Variants in MMP20 observed in about 807,000 individuals in gnomAD.
MMP20 encodes matrix metallopeptidase 20.
In MMP20, 50 loss-of-function variants were observed where a neutral mutation model predicts 51.8. That is an observed-to-expected ratio of 0.97 (90% confidence interval 0.77 to 1.22). The LOEUF is 1.22. Among genes scored for constraint, MMP20 ranks in the 50% most tolerant of loss-of-function variants. MMP20 has a pLI of 0.00. For synonymous variants in MMP20, 244 were observed against 216.2 expected, an observed-to-expected ratio of 1.13 and a Z score of -1.13; for missense variants, 663 against 601.4, an observed-to-expected ratio of 1.10 and a Z score of -1.07.
chr11:102,611,007 C>A (rs1859591912), intron 3 of MMP20, among the ~76,000 whole-genome samples: 1 of 152,152 alleles, frequency 6.6e-6, no homozygotes, highest in African/African-American at 2.4e-5. Flanking sequence ...CCAGGGGTGG[C>A]CTTTCTCTTC....
At chr11:102,591,925 AG>A (rs1248592430) in intron 8 of MMP20, among the ~76,000 whole-genome samples, 1 of 152,200 alleles carries the variant, frequency 6.6e-6, no homozygotes, top group Non-Finnish European at 1.5e-5. Flanking sequence ...ATTAGACCAA[AG>A]ATCAGGTGAT....
chr11:102,582,715 C>T (rs574362714), intron 8 of MMP20, among the ~76,000 whole-genome samples: 14 of 152,000 alleles, frequency 9.2e-5, no homozygotes, highest in South Asian at 2.1e-4. Flanking sequence ...AATATGTATC[C>T]TATAGTATTA....
chr11:102,598,995 G>C (rs917210134), intron 6 of MMP20, among the ~76,000 whole-genome samples: 1 of 147,598 alleles, frequency 6.8e-6, no homozygotes, highest in East Asian at 2.0e-4. Context: ...TTGTGGGAAG[G>C]GGTGTCTTTC....
In MMP20 at chr11:102,611,839, G is replaced by A. The variant is rs1288872215; in HGVS notation, c.439C>T (p.Gln147Ter). ...EVDKAVEMAL[Q>*]AWSSAVPLSF... ...AGAGGGACGGCGCTACTCCAGGCCT[G>A]CAAGGCCATCTCCACTGCTTTGTCC... The change falls in exon 3 of 10, where the codon CAG becomes TAG. Residue 147 changes from glutamine to a stop codon, truncating the protein, a stop_gained. Coordinates refer to ENST00000260228, the MANE Select transcript of MMP20 (RefSeq NM_004771.4). LOFTEE classifies it high-confidence loss of function. The A allele has an allele frequency of 6.2e-7, 1 of 1,614,176 alleles. No individual in the cohort carries two copies.
At chr11:102,584,772 A>T (rs941506756) in intron 8 of MMP20, among the ~76,000 whole-genome samples, 13 of 152,074 alleles carry the variant, frequency 8.5e-5, no homozygotes, top group African/African-American at 3.1e-4. Context: ...TATTTAAGGA[A>T]TTTGATCAAT....
chr11:102,611,652 T>A, intron 3 of MMP20, 103 bp downstream of exon 3: 1 of 1,422,714 alleles, frequency 7.0e-7, no homozygotes, highest in East Asian at 2.3e-5. Context: ...CACAGCACTG[T>A]GCGAAGGAGG....
rs567235214 is a variant in MMP20, at chr11:102,588,873, G to T, written c.1247+4566C>A. Among the ~76,000 whole-genome samples the T allele has an allele frequency of 5.3e-5, 8 of 149,650 alleles. No individual in the cohort carries two copies. In the South Asian group the frequency reaches 1.5e-3, roughly 28 times the overall value. ...AACTCTAGTGGATATAAGATTCTTG[G>T]TTGAGTCTTTTCTTTGAGAACTTTG... On this transcript the variant is annotated intron_variant, in intron 8 of 9. Transcript: ENST00000260228.
chr11:102,592,400 C>T (rs1440243396), intron 8 of MMP20, among the ~76,000 whole-genome samples: 4 of 152,086 alleles, frequency 2.6e-5, no homozygotes, highest in Non-Finnish European at 5.9e-5. Flanking sequence ...TTTGCAATTC[C>T]TTCTTTATAA....
intron 1 of MMP20, 126 bp downstream of exon 1, chr11:102,625,068 A>C: frequency 8.0e-7 from 1 of 1,248,870 alleles, no homozygotes; most frequent in Non-Finnish European, 1.1e-6. Context: ...CATCAGTTAG[A>C]CTTCAATGGA....
Position 102,579,033 on chromosome 11 carries a change from A to C in MMP20, c.1351+6T>G, listed in dbSNP as rs201563282. 2.0e-5 allele frequency: 32 copies of C among 1,596,114 alleles called. No homozygotes were observed. The highest frequency in any genetic ancestry group is 1.7e-4 in the Middle Eastern group (1 of 6,050). On this transcript the variant is annotated splice_donor_region_variant and intron_variant, in intron 9 of 9. Coordinates refer to ENST00000260228, the MANE Select transcript of MMP20 (RefSeq NM_004771.4). ...CATGAAGAAAGTTTTCAGTGGAAACACTTACCATTTAATTCTACAGCAGCA... is the reference window on the plus strand; with the variant it reads ...CATGAAGAAAGTTTTCAGTGGAAACCCTTACCATTTAATTCTACAGCAGCA...
Position 102,609,069 on chromosome 11 carries a change from C to T in MMP20, c.679G>A (p.Glu227Lys). The T allele has an allele frequency of 1.2e-6, 2 of 1,614,148 alleles. No individual in the cohort carries two copies. Among genetic ancestry groups the T allele is most frequent in the Non-Finnish European group, 1.7e-6 (2 of 1,180,028 alleles). ...GFNLFTVAAH[E>K]FGHALGLAHS... ...GCCAGGCCCAGGGCATGGCCAAATT[C>T]ATGAGCAGCAACGGTAAACAAATTA... The change falls in exon 5 of 10, where the codon GAA becomes AAA. Residue 227 changes from glutamate to lysine, a missense_variant. By Grantham distance (56) the Glu-to-Lys change is moderately conservative. Coordinates refer to ENST00000260228, the MANE Select transcript of MMP20 (RefSeq NM_004771.4).
chr11:102,612,021 A>G lies in MMP20; in HGVS notation c.375-118T>C. The G allele has an allele frequency of 5.2e-6, 5 of 967,502 alleles. No homozygotes were observed. The Admixed American group carries it at 1.1e-4, about 20-fold the overall frequency. 59.9% of individuals were successfully genotyped at this position (967,502 alleles called of 1,614,324 possible). On this transcript the variant is annotated intron_variant, in intron 2 of 9. Coordinates refer to ENST00000260228, the MANE Select transcript of MMP20 (RefSeq NM_004771.4). ...TCTACAATTTAGATTTTTCTCTGAA[A>G]TAATAATTCTTATTTTGCTTTATTA...
intron 1 of MMP20, among the ~76,000 whole-genome samples, chr11:102,621,611 G>GA (rs1859751817): frequency 6.6e-6 from 1 of 152,128 alleles, no homozygotes; most frequent in Non-Finnish European, 1.5e-5. Flanking sequence ...AACCTATCCT[G>GA]AAAAAATAAT....
chr11:102,586,446 C>A (rs1418273839), intron 8 of MMP20, among the ~76,000 whole-genome samples: 1 of 151,918 alleles, frequency 6.6e-6, no homozygotes, highest in African/African-American at 2.4e-5. Context: ...TCATAGTATT[C>A]CTTTATGACC....
intron 1 of MMP20, among the ~76,000 whole-genome samples, chr11:102,622,128 A>G (rs1859758803): frequency 6.6e-6 from 1 of 152,250 alleles, no homozygotes; most frequent in Admixed American, 6.5e-5. Context: ...AAAGGACACA[A>G]GTGGACATTA....
intron 8 of MMP20, among the ~76,000 whole-genome samples, chr11:102,582,132 T>C (rs554573329): frequency 3.0e-4 from 46 of 152,340 alleles, no homozygotes; most frequent in Admixed American, 7.8e-4. Context: ...TATCTTACTC[T>C]CCACATTTGT....
intron 6 of MMP20, chr11:102,605,512 C>T (rs746608606): frequency 6.6e-6 from 1 of 151,792 alleles, no homozygotes; most frequent in Non-Finnish European, 1.5e-5. Context: ...TCACATTTCT[C>T]AAACGTCTGC....
Position 102,579,108 on chromosome 11 carries a change from A to G in MMP20, c.1282T>C (p.Tyr428His). 1.9e-6 allele frequency: 3 copies of G among 1,613,648 alleles called. No individual in the cohort carries two copies. The highest frequency in any genetic ancestry group is 2.5e-6 in the Non-Finnish European group (3 of 1,179,630). ...AATTCTTCTTCAGTATTCTTTGGAT[A>G]GTCTTTTTCCATTTTCCTTTTCCTT... ...DERKRKMEKD[Y>H]PKNTEEEFSG... is the part of the protein sequence containing the mutation. The change falls in exon 9 of 10, where the codon TAT (tyrosine) becomes CAT (histidine). Residue 428 changes from tyrosine (Y) to histidine (H), a missense_variant. Tyr to His is a moderately conservative substitution (Grantham distance 83). Transcript: ENST00000260228.
rs538004005 is a variant in MMP20, at chr11:102,611,914, G to A, written c.375-11C>T. On this transcript the variant is annotated splice_polypyrimidine_tract_variant and intron_variant, in intron 2 of 9. Transcript: ENST00000260228. ...GTGTATTTAGATATTCTGTGAAAAC[G>A]GAAGGAACATGTTTTCTTTTCAGTA... 38 of 1,613,884 alleles carry A rather than the reference G, an allele frequency of 2.4e-5. No homozygotes were observed. The East Asian group carries it at 2.9e-4, about 12-fold the overall frequency.
Sources: allele counts gnomAD v4.1 joint callset (sites outside exome capture counted in the v4.1 genomes callset), GRCh38; gene constraint gnomAD v4.1.1; transcripts MANE v1.5; gene names NCBI Gene and HGNC (gene_info 2026-07-23, HGNC 2026-07-21).